NACA: variants seen among roughly 807,000 people sequenced by gnomAD.
NACA encodes nascent polypeptide-associated complex subunit alpha.
Under a neutral mutation model 86.4 loss-of-function variants are expected in NACA, and 42 were observed. The observed-to-expected ratio is 0.49, with a 90% CI of 0.38 to 0.63. The LOEUF (loss-of-function observed/expected upper bound fraction) is 0.63. NACA is among the 20% of genes least tolerant of loss of function. NACA has a pLI of 0.00. For synonymous variants in NACA, 898 were observed against 973.7 expected (o/e 0.92, Z 1.45); for missense variants, 2,157 against 2,483.6 (o/e 0.87, Z 2.80).
At position 56,720,091 on chromosome 12, in the gene NACA, G is replaced by C; in HGVS notation, c.1439C>G (p.Pro480Arg). The change falls in exon 3 of 9, where the codon CCT (proline) becomes CGT (arginine). Residue 480 changes from proline (P) to arginine (R), a missense_variant. Physicochemically the swap from Pro to Arg is moderately radical, Grantham distance 103. Transcript: ENST00000454682. Reference protein sequence around the residue: ...GPISNIEPTSPAALVMAPVAP... With the variant: ...GPISNIEPTSRAALVMAPVAP... ...CACAGGTGCCATAACCAAGGCAGCA[G>C]GGGAAGTTGGTTCTATGTTACTTAT... The C allele has an allele frequency of 6.2e-7, 1 of 1,613,990 alleles. No individual in the cohort carries two copies. Among genetic ancestry groups the C allele is most frequent in the Non-Finnish European group, 8.5e-7 (1 of 1,179,890 alleles).
At chr12:56,714,822 T>C in intron 3 of NACA, 135 bp from the exon 4 acceptor site, 1 of 786,266 alleles carries the variant, frequency 1.3e-6, no homozygotes, top group Non-Finnish European at 2.1e-6. Context: ...AACTGGCTTG[T>C]GTGAAGTCAG....
At chr12:56,715,697 G>T (rs189174505) in intron 3 of NACA, among the ~76,000 whole-genome samples, 174 bp downstream of exon 3, 8 of 152,086 alleles carry the variant, frequency 5.3e-5, no homozygotes, top group African/African-American at 1.9e-4. Context: ...ACCAAGATTT[G>T]GTTTCATATT....
chr12:56,724,362 C>A, intron 2 of NACA, 90 bp downstream of exon 2: 1 of 1,343,702 alleles, frequency 7.4e-7, no homozygotes, highest in Non-Finnish European at 1.0e-6. Flanking sequence ...CCCCATCCTC[C>A]TAAAAAGTGT....
Position 56,719,125 on chromosome 12 carries a change from G to A in NACA, c.2405C>T (p.Ser802Phe), listed in dbSNP as rs1953495121. ...GGTTGGAGGTCTTTTAGTCTGAGGA[G>A]ACACACTAACCCCTAAAGGAGATGG... ...DSPSPLGVSV[S>F]PQTKRPPTKK... The change falls in exon 3 of 9, where the codon TCT (serine) becomes TTT (phenylalanine). Residue 802 changes from serine (S) to phenylalanine (F), a missense_variant. Ser to Phe is a radical substitution (Grantham distance 155, BLOSUM62 -2). Transcript: ENST00000454682. 6.9e-7 allele frequency: 1 copy of A among 1,456,264 alleles called. No homozygotes were observed. The highest frequency in any genetic ancestry group is 1.4e-5 in the African/African-American group (1 of 72,004). 90.2% of individuals were successfully genotyped at this position (1,456,264 alleles called of 1,614,324 possible).
Position 56,715,903 on chromosome 12 carries a change from G to A in NACA, c.5627C>T (p.Ser1876Phe), listed in dbSNP as rs754500345. 1.3e-6 allele frequency: 2 copies of A among 1,517,404 alleles called. No homozygotes were observed. Among genetic ancestry groups the A allele is most frequent in the East Asian group, 2.3e-5 (1 of 44,006 alleles). 94.0% of individuals were successfully genotyped at this position (1,517,404 alleles called of 1,614,324 possible). ...KSAGIPVPTPSAKQPVTKNNK... is the reference protein window; with the variant it reads ...KSAGIPVPTPFAKQPVTKNNK... ...GTTCTTCGTAACAGGTTGCTTGGCA[G>A]AGGGGGTTGGGACAGGGATTCCAGC... The change falls in exon 3 of 9, where the codon TCT becomes TTT. Residue 1876 changes from serine (S) to phenylalanine (F), a missense_variant. Physicochemically the swap from Ser to Phe is radical, Grantham distance 155. Coordinates refer to ENST00000454682, the MANE Select transcript of NACA (RefSeq NM_001365896.1).
In NACA at chr12:56,721,319, A is replaced by C. The variant is rs1252662201; in HGVS notation, c.211T>G (p.Ser71Ala). The change falls in exon 3 of 9, where the codon TCT (serine) becomes GCT (alanine). Residue 71 changes from serine to alanine, a missense_variant. By Grantham distance (99) the Ser-to-Ala change is moderately conservative. Around this residue, in one of 8 missense-constraint regions of NACA, gnomAD observed 947 missense variants for 917.9 expected, o/e 1.03. Coordinates refer to ENST00000454682, the MANE Select transcript of NACA (RefSeq NM_001365896.1). ...ANQASPFPSP[S>A]TIASTPLEVP... ...TCTAAAGGGGTCGAGGCAATAGTAG[A>C]GGGGGAAGGGAATGGGGAAGCCTGG... 1.3e-6 allele frequency: 2 copies of C among 1,582,442 alleles called. No homozygotes were observed. Among genetic ancestry groups the C allele is most frequent in the Non-Finnish European group, 8.6e-7 (1 of 1,164,444 alleles).
chr12:56,723,024 C>T (rs1565900179), intron 2 of NACA, among the ~76,000 whole-genome samples: 1 of 152,074 alleles, frequency 6.6e-6, no homozygotes, highest in African/African-American at 2.4e-5. Context: ...AGTGGGTAGG[C>T]CAAAGTCTAA....
chr12:56,713,963 A>T (rs1953282232), intron 5 of NACA: 1 of 415,908 alleles, frequency 2.4e-6, no homozygotes, highest in Non-Finnish European at 4.3e-6. Context: ...TGCCTCAGCC[A>T]CCTTAGTAGC....
In NACA at chr12:56,716,019, CTCA is replaced by C. The variant is rs1953347348; in HGVS notation, c.5508_5510del (p.Asp1836del). ...GGGGAATCAGAGGCAGCAGCTCATCCTCATCAGCAGGGGCAAGGGGTTTAGAGG... is the reference window on the plus strand; with the variant it reads ...GGGGAATCAGAGGCAGCAGCTCATCCTCAGCAGGGGCAAGGGGTTTAGAGG... On this transcript the variant is annotated inframe_deletion, in exon 3 of 9. Transcript: ENST00000454682. The C allele has an allele frequency of 1.2e-6, 2 of 1,602,916 alleles. No homozygotes were observed. The highest frequency in any genetic ancestry group is 1.1e-5 in the South Asian group (1 of 89,892).
Position 56,718,816 on chromosome 12 carries a change from G to A in NACA, c.2714C>T (p.Pro905Leu). ...CATGGATAGAGCAGGAGCCTGTTTG[G>A]GTGCTGGAGTAGCTGGACCCTCTTT... ...FPKEGPATPA[P>L]KQAPALSMTS... The change falls in exon 3 of 9, where the codon CCC (proline) becomes CTC (leucine). Residue 905 changes from proline (P) to leucine (L), a missense_variant. Physicochemically the swap from Pro to Leu is moderately conservative, Grantham distance 98. Transcript: ENST00000454682. 1 of 1,444,054 alleles carries A rather than the reference G, an allele frequency of 6.9e-7. No individual in the cohort carries two copies. Among genetic ancestry groups the A allele is most frequent in the Non-Finnish European group, 9.3e-7 (1 of 1,070,102 alleles). 89.5% of individuals were successfully genotyped at this position (1,444,054 alleles called of 1,614,324 possible). A position where few individuals can be genotyped will look rare whatever the true frequency, so the allele number is the denominator to read the frequency against.
intron 2 of NACA, among the ~76,000 whole-genome samples, chr12:56,724,069 G>T (rs189221411): frequency 2.2e-4 from 33 of 152,298 alleles, no homozygotes; most frequent in Admixed American, 1.6e-3. Context: ...AAACCTTGAT[G>T]CAACTTGCTG....
In NACA at chr12:56,720,735, G is replaced by A. The variant is rs536263208; in HGVS notation, c.795C>T (p.Ser265=). The A allele has an allele frequency of 3.1e-6, 5 of 1,613,984 alleles. No individual in the cohort carries two copies. The highest frequency in any genetic ancestry group is 4.2e-6 in the Non-Finnish European group (5 of 1,179,898). The change falls in exon 3 of 9, where the codon AGC becomes AGT. Residue 265 remains serine (S), a synonymous_variant. Coordinates refer to ENST00000454682, the MANE Select transcript of NACA (RefSeq NM_001365896.1). ...CAGGTGGACTAACAGGCCCCTTCAG[G>A]CTGAGGCTTCCTGGGTTTTGTGGAG... ...LISPQNPGSL[S]LKGPVSPPAA...
chr12:56,715,268 A>G (rs1406676204), intron 3 of NACA, among the ~76,000 whole-genome samples: 1 of 152,150 alleles, frequency 6.6e-6, no homozygotes, highest in East Asian at 1.9e-4. Context: ...GATGACCTAT[A>G]TCTCTAGTTT....
Position 56,721,109 on chromosome 12 carries a change from C to T in NACA, c.421G>A (p.Ala141Thr). The T allele has an allele frequency of 1.9e-6, 3 of 1,613,814 alleles. No individual in the cohort carries two copies. The highest frequency in any genetic ancestry group is 2.5e-6 in the Non-Finnish European group (3 of 1,179,830). Residue 141 changes from alanine (A) to threonine (T), a missense_variant, in exon 3 of 9, where the codon GCC becomes ACC. This residue lies in a region of NACA where 947 missense variants were observed against 917.9 expected (regional missense o/e 1.03). Coordinates refer to ENST00000454682, the MANE Select transcript of NACA (RefSeq NM_001365896.1). The part of the protein sequence containing the change: ...PSSSAPLALV[A>T]LAPHSVQKSS... ...TTCTGAACTGAGTGGGGAGCCAGGG[C>T]AACCAGAGCTAAGGGAGCTGAAGAG...
At chr12:56,713,340 T>C (rs1345607367) in intron 6 of NACA, 150 bp from the exon 7 acceptor site, 4 of 1,248,256 alleles carry the variant, frequency 3.2e-6, no homozygotes, top group East Asian at 5.0e-5. Flanking sequence ...AGTAGTTGTT[T>C]AGGTTTAGAG....
rs776677872 is a variant in NACA, at chr12:56,720,669, G to A, written c.861C>T (p.Thr287=). The A allele has an allele frequency of 1.9e-6, 3 of 1,613,842 alleles. No individual in the cohort carries two copies. Among genetic ancestry groups the A allele is most frequent in the African/African-American group, 2.7e-5 (2 of 74,912 alleles). The change falls in exon 3 of 9, where the codon ACC becomes ACT. Residue 287 remains threonine (T), a synonymous_variant. Coordinates refer to ENST00000454682, the MANE Select transcript of NACA (RefSeq NM_001365896.1). ...SLSTQSLPVV[T]SSQKTAGPNT... ...TGGGACCCGCAGTCTTTTGAGAAGA[G>A]GTCACCACAGGAAGAGACTGAGTTG...
In NACA at chr12:56,719,158, G is replaced by A. The variant is rs1257522462; in HGVS notation, c.2372C>T (p.Ala791Val). The A allele has an allele frequency of 6.8e-7, 1 of 1,464,642 alleles. No homozygotes were observed. The highest frequency in any genetic ancestry group is 9.2e-7 in the Non-Finnish European group (1 of 1,083,348). 90.7% of individuals were successfully genotyped at this position (1,464,642 alleles called of 1,614,324 possible). A position where few individuals can be genotyped will look rare whatever the true frequency, so the allele number is the denominator to read the frequency against. Residue 791 changes from alanine to valine, a missense_variant, in exon 3 of 9, where the codon GCT becomes GTT. By Grantham distance (64) the Ala-to-Val change is moderately conservative. Around this residue, in one of 8 missense-constraint regions of NACA, gnomAD observed 174 missense variants for 217.0 expected, o/e 0.80. Transcript: ENST00000454682. ...AACCCCTAAAGGAGATGGGGAATCA[G>A]CTAGGTAAGTCAGAGTTCCTTTGGA... ...ASSKGTLTYL[A>V]DSPSPLGVSV...
intron 2 of NACA, 52 bp from the exon 3 acceptor site, chr12:56,721,511 G>A (rs999136815): frequency 1.6e-6 from 2 of 1,277,234 alleles, no homozygotes; most frequent in Non-Finnish European, 2.1e-6. Flanking sequence ...GGAGAAAAAA[G>A]GTGAGTTATG....
At position 56,714,383 on chromosome 12, in the gene NACA, C is replaced by T; in HGVS notation, c.5802G>A (p.Arg1934=). The T allele has an allele frequency of 6.2e-7, 1 of 1,614,190 alleles. No homozygotes were observed. The highest frequency in any genetic ancestry group is 8.5e-7 in the Non-Finnish European group (1 of 1,180,034). ...TTACCTTCCGTGCCTTCTTTTCACTCCGACTCTGTTTTGCTTTACTGACTG... is the reference window on the plus strand; with the variant it reads ...TTACCTTCCGTGCCTTCTTTTCACTTCGACTCTGTTTTGCTTTACTGACTG... The part of the protein sequence containing the change: ...EEPVSKAKQS[R]SEKKARKAMS... Residue 1934 remains arginine (R), a synonymous_variant, in exon 5 of 9, where the codon CGG becomes CGA. Transcript: ENST00000454682.
Sources: allele counts gnomAD v4.1 joint callset (sites outside exome capture counted in the v4.1 genomes callset), GRCh38; gene constraint gnomAD v4.1.1; regional missense constraint gnomAD v4.1.1; transcripts MANE v1.5; gene names NCBI Gene and HGNC (gene_info 2026-07-23, HGNC 2026-07-21).